PLEC: variants seen among roughly 807,000 people sequenced by gnomAD.
The protein encoded by PLEC is hemidesmosomal protein 1.
In PLEC, 216 loss-of-function variants were observed where a neutral mutation model predicts 392.8. That is an observed-to-expected ratio of 0.55 (90% CI 0.49 to 0.62). The LOEUF is 0.62. PLEC is among the 20% of genes least tolerant of loss of function. The pLI is 0.00. For synonymous variants in PLEC, 3,621 were observed against 2,980.6 expected (o/e 1.21, Z -7.00); for missense variants, 6,863 against 6,563.4 (o/e 1.05, Z -1.58).
At position 143,929,677 on chromosome 8, in the gene PLEC, G is replaced by A. The variant is rs782403668; in HGVS notation, c.2892C>T (p.His964=). 6.2e-7 allele frequency: 1 copy of A among 1,600,588 alleles called. No homozygotes were observed. Residue 964 remains histidine (H), a synonymous_variant, in exon 23 of 32, where the codon CAC becomes CAT. Transcript: ENST00000345136. ...AEREYGSCSH[H]YQQLLQSLEQ... is the part of the protein sequence containing the mutation. ...CCAGGCTCTGCAGCAGCTGCTGGTA[G>A]TGGTGGCTGCAGGAGCCGTACTCGC...
rs782079975 is a variant in PLEC, at chr8:143,929,286, A to G, written c.3082-5T>C. ...CTCCACCTCTGCCTGTGCCTTCTGC[A>G]AAGACAGGGAGTGGGAACGCACTCA... On this transcript the variant is annotated splice_region_variant and splice_polypyrimidine_tract_variant and intron_variant, in intron 24 of 31. Transcript: ENST00000345136. The G allele has an allele frequency of 5.0e-6, 8 of 1,599,868 alleles. No homozygotes were observed. The African/African-American group carries it at 8.0e-5, about 16-fold the overall frequency.
intron 1 of PLEC, among the ~76,000 whole-genome samples, chr8:143,949,950 G>T (rs1831945265): frequency 6.6e-6 from 1 of 152,110 alleles, no homozygotes; most frequent in Admixed American, 6.5e-5. Context: ...TGGGCCACAG[G>T]CTCCTCCTTG....
upstream of PLEC, among the ~76,000 whole-genome samples, chr8:143,974,208 C>T (rs1441486493): frequency 2.0e-5 from 3 of 152,224 alleles, no homozygotes; most frequent in African/African-American, 7.2e-5. This position sits in a 1 kb window ranked among gnomAD's most constrained non-coding sequence, Gnocchi z 5.9. Flanking sequence ...AGAGCCCCGG[C>T]GCGGAAGGTG....
chr8:143,929,884 C>T (rs1163550417), intron 22 of PLEC, 52 bp downstream of exon 22: 45 of 1,602,334 alleles, frequency 2.8e-5, no homozygotes, highest in South Asian at 1.8e-4. Flanking sequence ...CCCTGCACAA[C>T]GCCTCTCCCC....
chr8:143,938,140 G>A lies in PLEC; in HGVS notation c.264+11C>T, dbSNP rs782247428. ...GCAGGCGGGGCCCGGAGGGGGCAGG[G>A]GCACACGTACCAGGCTGTCCCCCGA... On this transcript the variant is annotated intron_variant, in intron 3 of 31. Coordinates refer to ENST00000345136, the MANE Select transcript of PLEC (RefSeq NM_201384.3). 3 of 1,597,134 alleles carry A rather than the reference G, an allele frequency of 1.9e-6. No homozygotes were observed. Among genetic ancestry groups the A allele is most frequent in the Non-Finnish European group, 8.5e-7 (1 of 1,173,712 alleles).
chr8:143,936,934 G>A, intron 5 of PLEC, 45 bp downstream of exon 5: 1 of 1,462,030 alleles, frequency 6.8e-7, no homozygotes, highest in South Asian at 1.1e-5. Context: ...AGGCTACCCT[G>A]GAAACTCCTG....
chr8:143,920,113 C>T lies in PLEC; in HGVS notation c.9708G>A (p.Lys3236=), dbSNP rs782753536. The part of the protein sequence containing the change: ...SELQARETFE[K]TPVEVPVGGF... Reference sequence around the variant, plus strand: ...CACCCACGGGGACCTCAACCGGGGTCTTTTCAAAGGTCTCACGGGCCTGCA... The same window carrying T: ...CACCCACGGGGACCTCAACCGGGGTTTTTTCAAAGGTCTCACGGGCCTGCA... Residue 3236 remains lysine (K), a synonymous_variant, in exon 32 of 32, where the codon AAG becomes AAA. Coordinates refer to ENST00000345136, the MANE Select transcript of PLEC (RefSeq NM_201384.3). The T allele has an allele frequency of 6.2e-7, 1 of 1,613,086 alleles. No individual in the cohort carries two copies. Among genetic ancestry groups the T allele is most frequent in the South Asian group, 1.1e-5 (1 of 91,088 alleles).
At position 143,924,660 on chromosome 8, in the gene PLEC, G is replaced by C; in HGVS notation, c.5269C>G (p.Leu1757Val). ...TQKRQELEAE[L>V]AKVRAEMEVL... The stretch of plus-strand genomic sequence containing the variant: ...TCCATCTCGGCCCGCACCTTGGCCA[G>C]CTCGGCTTCCAGCTCCTGCCGTTTC... The change falls in exon 31 of 32, where the codon CTG (leucine) becomes GTG (valine). Residue 1757 changes from leucine to valine, a missense_variant. Physicochemically the swap from Leu to Val is conservative, Grantham distance 32 (BLOSUM62 1). Coordinates refer to ENST00000345136, the MANE Select transcript of PLEC (RefSeq NM_201384.3). 1 of 1,536,046 alleles carries C rather than the reference G, an allele frequency of 6.5e-7. No homozygotes were observed. The highest frequency in any genetic ancestry group is 8.7e-7 in the Non-Finnish European group (1 of 1,147,042).
At position 143,927,877 on chromosome 8, in the gene PLEC, C is replaced by T. The variant is rs369555389; in HGVS notation, c.3376G>A (p.Glu1126Lys). The T allele has an allele frequency of 7.5e-6, 12 of 1,589,876 alleles. No individual in the cohort carries two copies. Among genetic ancestry groups the T allele is most frequent in the East Asian group, 4.6e-5 (2 of 43,704 alleles). Residue 1126 changes from glutamate (E) to lysine (K), a missense_variant, in exon 26 of 32, where the codon GAG becomes AAG. Coordinates refer to ENST00000345136, the MANE Select transcript of PLEC (RefSeq NM_201384.3). The stretch of plus-strand genomic sequence containing the variant: ...ACCTTCAGAGAGGCCTTGGTGGCCT[C>T]GAGCTCCGGGAGGGTGGCCGGCACG... Reference protein sequence around the residue: ...QAVPATLPELEATKASLKKLR... With the variant: ...QAVPATLPELKATKASLKKLR...
In PLEC at chr8:143,937,327, C is replaced by T. The variant is rs559377834; in HGVS notation, c.265-85G>A. 78 of 1,018,072 alleles carry T rather than the reference C, an allele frequency of 7.7e-5. No homozygotes were observed. In the East Asian group the frequency reaches 1.7e-3, roughly 22 times the overall value. The allele number at this position is 1,018,072 out of a possible 1,614,324, so 63.1% of individuals were successfully genotyped here. A position where few individuals can be genotyped will look rare whatever the true frequency, so the allele number is the denominator to read the frequency against. On this transcript the variant is annotated intron_variant, in intron 3 of 31. Transcript: ENST00000345136. The stretch of plus-strand genomic sequence containing the variant: ...GCATGCCCCAAAGCGCCGCAGCAAC[C>T]GAGCCAAGGGTCTTCCCCAGGGGGC...
In PLEC at chr8:143,969,864, G is replaced by A. The variant is rs782172768; in HGVS notation, c.70+3539C>T. On this transcript the variant is annotated intron_variant, in intron 1 of 31. Transcript: ENST00000356346. This position sits in a 1 kb window ranked among gnomAD's most constrained non-coding sequence, Gnocchi z 5.1. ...TGAGAATGAGGCCGGGGTGAGTACC[G>A]TTGGTGAGTGGGTGGCGTTGGTGTG... is the stretch of plus-strand genomic sequence containing the variant. Among the ~76,000 whole-genome samples, 5 of 151,610 alleles carry A rather than the reference G, an allele frequency of 3.3e-5. No individual in the cohort carries two copies. The highest frequency in any genetic ancestry group is 6.6e-5 in the Admixed American group (1 of 15,242).
chr8:143,929,885 G>C, intron 22 of PLEC, 51 bp downstream of exon 22: 3 of 1,602,542 alleles, frequency 1.9e-6, no homozygotes, highest in Non-Finnish European at 2.5e-6. Flanking sequence ...CCTGCACAAC[G>C]CCTCTCCCCT....
Position 143,938,388 on chromosome 8 carries a change from C to T in PLEC, c.175-148G>A, listed in dbSNP as rs1362270806. On this transcript the variant is annotated intron_variant, in intron 2 of 31. Transcript: ENST00000345136. ...AGCCCACGGAACACACCCTGCCCCA[C>T]GGAGGCACCTACCTCTGCCCGCCAG... is the stretch of plus-strand genomic sequence containing the variant. 34 of 1,535,394 alleles carry T rather than the reference C, an allele frequency of 2.2e-5. No individual in the cohort carries two copies. In the Admixed American group the frequency reaches 3.9e-4, roughly 18 times the overall value.
In PLEC at chr8:143,939,333, G is replaced by A. The variant is rs782753824; in HGVS notation, c.112+17C>T. 17 of 1,605,954 alleles carry A rather than the reference G, an allele frequency of 1.1e-5. No individual in the cohort carries two copies. Among genetic ancestry groups the A allele is most frequent in the East Asian group, 4.5e-5 (2 of 44,656 alleles). On this transcript the variant is annotated intron_variant, in intron 1 of 31. Coordinates refer to ENST00000345136, the MANE Select transcript of PLEC (RefSeq NM_201384.3). ...CCCGCCCTGCCTGGCGGGGGTGCCC[G>A]AGGGGAGCCCTGCTACCTTTCTTGC...
Position 143,919,648 on chromosome 8 carries a change from C to T in PLEC, c.10173G>A (p.Ala3391=), listed in dbSNP as rs549730049. The T allele has an allele frequency of 1.1e-5, 17 of 1,587,060 alleles. 1 individual carries two copies. Among genetic ancestry groups the T allele is most frequent in the East Asian group, 6.7e-5 (3 of 44,576 alleles). ...CCACCAGGAAGCCAGTGGCCGCCTG[C>T]GCCTCCAGCAGGAGCGCAGCCGTTG... ...RATTAALLLE[A]QAATGFLVDP... Residue 3391 remains alanine (A), a synonymous_variant, in exon 32 of 32, where the codon GCG becomes GCA. Transcript: ENST00000345136.
upstream of PLEC, chr8:143,975,072 C>G (rs61497531): frequency 1.5e-6 from 2 of 1,303,838 alleles, no homozygotes; most frequent in African/African-American, 2.9e-5. This position sits in a 1 kb window ranked among gnomAD's most constrained non-coding sequence, Gnocchi z 9.9. Flanking sequence ...GCAGATCCCC[C>G]TAGGCCTCCC....
upstream of PLEC, chr8:143,953,933 G>T (rs1161116291): frequency 7.1e-7 from 1 of 1,402,278 alleles, no homozygotes; most frequent in African/African-American, 1.5e-5. Context: ...GCCGGACAGG[G>T]CCGCCCCGGG....
intron 28 of PLEC, 61 bp from the exon 29 acceptor site, chr8:143,927,142 C>G: frequency 5.7e-6 from 9 of 1,566,294 alleles, no homozygotes; most frequent in Non-Finnish European, 6.1e-6. Flanking sequence ...TGCCCAGCCC[C>G]TAAACCCTCA....
rs782770561 is a variant in PLEC at position 143,934,790 on chromosome 8, G to GC, written c.945+19dup. The GC allele has an allele frequency of 5.1e-5, 82 of 1,611,440 alleles. No homozygotes were observed. In the East Asian group the frequency reaches 8.2e-4, roughly 16 times the overall value. On this transcript the variant is annotated intron_variant, in intron 9 of 31. Coordinates refer to ENST00000345136, the MANE Select transcript of PLEC (RefSeq NM_201384.3). The stretch of plus-strand genomic sequence containing the variant: ...GCTCTCAGGGCAGGCCCAGGACCCC[G>GC]CCCCCCACGGCAGGCCCACCTCAAT...
Sources: allele counts gnomAD v4.1 joint callset (sites outside exome capture counted in the v4.1 genomes callset), GRCh38; gene constraint gnomAD v4.1.1; non-coding constraint Gnocchi (gnomAD v3.1); transcripts MANE v1.5; gene names NCBI Gene and HGNC (gene_info 2026-07-23, HGNC 2026-07-21).